The following INPP4B variants were observed in gnomAD, a reference collection of about 807,000 sequenced individuals.
INPP4B encodes the protein inositol polyphosphate 4-phosphatase type II.
Under a neutral mutation model 122.5 loss-of-function variants are expected in INPP4B, and 55 were observed. The observed-to-expected ratio is 0.45, with a 90% CI of 0.36 to 0.56. The LOEUF (loss-of-function observed/expected upper bound fraction) is 0.56, where lower values mean the gene tolerates loss of function less well. Ranked by LOEUF, INPP4B falls within the 20% of genes least tolerant of loss-of-function variation. INPP4B has a pLI of 0.00. For missense variants in INPP4B, 1,000 were observed against 1,097.7 expected, an observed-to-expected ratio of 0.91 and a Z score of 1.26; for synonymous variants, 403 against 388.7, an observed-to-expected ratio of 1.04 and a Z score of -0.43.
At chr4:142,797,741 A>C (rs1777455628) in intron 1 of INPP4B, among the ~76,000 whole-genome samples, 2 of 151,994 alleles carry the variant, frequency 1.3e-5, no homozygotes, top group African/African-American at 4.8e-5. Context: ...AAATAAAATT[A>C]GAGTAATGCA....
intron 2 of INPP4B, among the ~76,000 whole-genome samples, chr4:142,552,234 G>T (rs77926800): frequency 6.6e-6 from 1 of 152,096 alleles, no homozygotes; most frequent in African/African-American, 2.4e-5. Flanking sequence ...TTTGATGTGC[G>T]TGTGAATCAA....
At chr4:142,754,234 G>A (rs1439876361) in intron 1 of INPP4B, among the ~76,000 whole-genome samples, 4 of 151,918 alleles carry the variant, frequency 2.6e-5, no homozygotes, top group African/African-American at 9.7e-5. Context: ...TAGCTACGGG[G>A]TTTCTTTTGC....
At chr4:142,336,152 T>C (rs893460398) in intron 7 of INPP4B, among the ~76,000 whole-genome samples, 123 of 152,204 alleles carry the variant, frequency 8.1e-4, no homozygotes, top group African/African-American at 2.9e-3. Context: ...CAGCTTTTCT[T>C]CTGTTGCTTA....
chr4:142,556,522 C>T (rs528044252), intron 2 of INPP4B, among the ~76,000 whole-genome samples: 3 of 152,088 alleles, frequency 2.0e-5, no homozygotes, highest in African/African-American at 7.2e-5. Flanking sequence ...GAGAAAGAGG[C>T]ATAAAGAAAG....
At chr4:142,072,418 G>T (rs967594899) in intron 25 of INPP4B, among the ~76,000 whole-genome samples, 1 of 151,434 alleles carries the variant, frequency 6.6e-6, no homozygotes, top group Non-Finnish European at 1.5e-5. Context: ...CATGGCACAT[G>T]TATACATATG....
intron 11 of INPP4B, among the ~76,000 whole-genome samples, chr4:142,240,452 G>A (rs77890418): frequency 0.034 from 5,238 of 152,178 alleles, 290 homozygotes; most frequent in African/African-American, 0.12. Flanking sequence ...GAACTCTCCT[G>A]TAACTACCAG....
chr4:142,804,533 C>T (rs1026336761), intron 1 of INPP4B, among the ~76,000 whole-genome samples: 3 of 152,212 alleles, frequency 2.0e-5, no homozygotes, highest in African/African-American at 7.2e-5. Context: ...CTTAAAGTTA[C>T]AACCGTCCTA....
At chr4:142,092,225 T>C (rs1040476121) in intron 23 of INPP4B, among the ~76,000 whole-genome samples, 1 of 152,122 alleles carries the variant, frequency 6.6e-6, no homozygotes, top group East Asian at 1.9e-4. Context: ...AGACCAGACA[T>C]AGGATAAAAT....
intron 2 of INPP4B, among the ~76,000 whole-genome samples, chr4:142,584,432 T>C (rs1381091981): frequency 6.6e-6 from 1 of 152,178 alleles, no homozygotes; most frequent in African/African-American, 2.4e-5. Context: ...CAATTAGACA[T>C]TGTATCTCCT....
intron 2 of INPP4B, among the ~76,000 whole-genome samples, chr4:142,478,044 C>A (rs750564165): frequency 6.6e-5 from 10 of 152,204 alleles, no homozygotes; most frequent in Admixed American, 1.3e-4. Context: ...CTCAAGCAAT[C>A]CGCTCACCTA....
intron 2 of INPP4B, among the ~76,000 whole-genome samples, chr4:142,464,613 G>GAC (rs1817403212): frequency 7.0e-6 from 1 of 143,460 alleles, no homozygotes; most frequent in African/African-American, 2.5e-5. Flanking sequence ...TAACTGTTAA[G>GAC]AAAAAAAAAA....
At position 142,173,626 on chromosome 4, in the gene INPP4B, T is replaced by A; in HGVS notation, c.1359+6A>T. 1 of 1,609,610 alleles carries A rather than the reference T, an allele frequency of 6.2e-7. No homozygotes were observed. The highest frequency in any genetic ancestry group is 8.5e-7 in the Non-Finnish European group (1 of 1,177,354). ...TTCCCAACTATAGTGATGATTTGGATCTTACTTTTTCTGAAAGCATCTTTA... is the reference window on the plus strand; with the variant it reads ...TTCCCAACTATAGTGATGATTTGGAACTTACTTTTTCTGAAAGCATCTTTA... On this transcript the variant is annotated splice_donor_region_variant and intron_variant, in intron 16 of 25. Transcript: ENST00000262992.
chr4:142,716,512 G>A (rs1304746662), intron 2 of INPP4B, among the ~76,000 whole-genome samples: 1 of 152,090 alleles, frequency 6.6e-6, no homozygotes, highest in Non-Finnish European at 1.5e-5. Flanking sequence ...ATTACTGGCT[G>A]CCATAAGTCA....
At chr4:142,687,527 AT>A (rs1467870512) in intron 2 of INPP4B, among the ~76,000 whole-genome samples, 11 of 136,094 alleles carry the variant, frequency 8.1e-5, no homozygotes, top group South Asian at 2.3e-4. Context: ...GAGGCCACTA[AT>A]TTTTTTTTTC....
At chr4:142,121,482 C>T (rs17015544) in intron 21 of INPP4B, among the ~76,000 whole-genome samples, 20,452 of 151,906 alleles carry the variant, frequency 0.13, 1,556 homozygotes, top group East Asian at 0.24. Flanking sequence ...GCACTAACAC[C>T]GGAATAGTTT....
At chr4:142,155,854 T>A (rs1394556287) in intron 17 of INPP4B, among the ~76,000 whole-genome samples, 5 of 151,660 alleles carry the variant, frequency 3.3e-5, no homozygotes, top group Admixed American at 1.3e-4. Flanking sequence ...AGGTTATCTA[T>A]GGAGTCTATT....
intron 7 of INPP4B, among the ~76,000 whole-genome samples, chr4:142,348,167 G>T (rs138498764): frequency 6.6e-6 from 1 of 151,846 alleles, no homozygotes; most frequent in Admixed American, 6.6e-5. Flanking sequence ...AGTGGACAAC[G>T]GCATTAGAGC....
chr4:142,739,502 A>G (rs1767583438), intron 1 of INPP4B, among the ~76,000 whole-genome samples: 1 of 152,068 alleles, frequency 6.6e-6, no homozygotes, highest in Non-Finnish European at 1.5e-5. Flanking sequence ...TAAAATGAAT[A>G]TATTTATCTC....
intron 9 of INPP4B, among the ~76,000 whole-genome samples, chr4:142,297,978 T>C (rs1414254619): frequency 6.6e-6 from 1 of 152,190 alleles, no homozygotes; most frequent in Non-Finnish European, 1.5e-5. Context: ...TATTACTACT[T>C]CCATTAATAG....
Sources: gnomAD v4.1 joint callset for allele counts (sites outside exome capture counted in the v4.1 genomes callset) on GRCh38, gnomAD v4.1.1 for gene constraint, MANE v1.5 for transcripts, NCBI Gene and HGNC (gene_info 2026-07-23, HGNC 2026-07-21) for gene names.